NHSL2: variants seen among roughly 807,000 people sequenced by gnomAD.
NHSL2 encodes the protein NHS like 2.
Under a neutral mutation model 53.4 loss-of-function variants are expected in NHSL2, and 27 were observed. The ratio of observed to expected loss-of-function variants is 0.51; its 90% CI spans 0.37 to 0.70. NHSL2 has a LOEUF of 0.70. Ranked by LOEUF, NHSL2 falls within the 30% of genes least tolerant of loss-of-function variation. NHSL2 has a pLI of 0.00. For missense variants in NHSL2, 892 were observed against 980.1 expected, an observed-to-expected ratio of 0.91 and a Z score of 1.20; for synonymous variants, 408 against 404.1, an observed-to-expected ratio of 1.01 and a Z score of -0.12.
In NHSL2 at chrX:72,152,355, GCGCA is replaced by G. The variant is rs1259326041; in HGVS notation, c.*8783_*8786del. The G allele has an allele frequency of 2.1e-3, 3 of 1,430 alleles. No homozygotes were observed. Among genetic ancestry groups the G allele is most frequent in the African/African-American group, 2.4e-3 (3 of 1,248 alleles). 0.1% of individuals were successfully genotyped at this position (1,430 alleles called of 1,213,427 possible). A position where few individuals can be genotyped will look rare whatever the true frequency, so the allele number is the denominator to read the frequency against. On this transcript the variant is annotated 3_prime_UTR_variant, in exon 8 of 8. Coordinates refer to ENST00000633930, the MANE Select transcript of NHSL2 (RefSeq NM_001013627.3). ...CATACATGCGTGTGTGCATGCGCGC[GCGCA>G]CACACACACACACACACACACACAC... is the stretch of plus-strand genomic sequence containing the variant.
intron 1 of NHSL2, among the ~76,000 whole-genome samples, chrX:72,088,805 A>C (rs952861314): frequency 1.8e-5 from 2 of 112,285 alleles, no homozygotes; most frequent in Non-Finnish European, 3.8e-5. Context: ...GTACCACCTC[A>C]AATCGCTTTC....
intron 1 of NHSL2, among the ~76,000 whole-genome samples, chrX:71,990,126 G>A (rs1011448971): frequency 4.5e-5 from 5 of 111,558 alleles, no homozygotes; most frequent in African/African-American, 1.3e-4. Context: ...AAAAGAGTTC[G>A]GGGGCGGAGA....
intron 1 of NHSL2, among the ~76,000 whole-genome samples, chrX:71,996,476 C>T (rs183506256): frequency 1.4e-3 from 159 of 112,591 alleles, no homozygotes; most frequent in Middle Eastern, 4.6e-3. Context: ...TTCTATCACA[C>T]CTGCCACACA....
At chrX:71,926,540 G>C (rs993514186) in intron 1 of NHSL2, among the ~76,000 whole-genome samples, 1 of 110,287 alleles carries the variant, frequency 9.1e-6, no homozygotes, top group Non-Finnish European at 1.9e-5. Flanking sequence ...CTGCTCTCGG[G>C]GGTTTTAGTG....
At chrX:71,932,798 A>G (rs1303962224) in intron 1 of NHSL2, among the ~76,000 whole-genome samples, 1 of 112,641 alleles carries the variant, frequency 8.9e-6, no homozygotes, top group Non-Finnish European at 1.9e-5. Flanking sequence ...TCCCTATGAG[A>G]AAGGTGTAAG....
intron 1 of NHSL2, among the ~76,000 whole-genome samples, chrX:72,011,624 C>G (rs1171926605): frequency 9.0e-6 from 1 of 110,921 alleles, no homozygotes; most frequent in Admixed American, 9.5e-5. Flanking sequence ...GAGCTGAGAT[C>G]TTGCCACTGC....
chrX:71,949,064 GT>G (rs1381365768), intron 1 of NHSL2, among the ~76,000 whole-genome samples: 1 of 110,175 alleles, frequency 9.1e-6, no homozygotes, highest in Non-Finnish European at 1.9e-5. Flanking sequence ...GGCCGATGTA[GT>G]TTTTATGAAG....
intron 1 of NHSL2, among the ~76,000 whole-genome samples, chrX:72,004,729 G>A (rs2042086442): frequency 9.3e-6 from 1 of 107,305 alleles, no homozygotes; most frequent in African/African-American, 3.4e-5. Context: ...GTCCGCTCCG[G>A]CCCAGGAGAG....
intron 1 of NHSL2, among the ~76,000 whole-genome samples, chrX:71,971,333 A>G (rs2041924065): frequency 8.9e-6 from 1 of 111,941 alleles, no homozygotes; most frequent in Non-Finnish European, 1.9e-5. Flanking sequence ...TATTATATGT[A>G]TTATGTCCAT....
At chrX:72,077,342 G>T (rs1466919949) in intron 1 of NHSL2, among the ~76,000 whole-genome samples, 1 of 110,698 alleles carries the variant, frequency 9.0e-6, no homozygotes, top group African/African-American at 3.3e-5. Context: ...TTCCTGGCTG[G>T]CTTGGGGGAT....
At chrX:72,131,159 G>A (rs1192315321) in intron 1 of NHSL2, 1 of 1,174,625 alleles carries the variant, frequency 8.5e-7, no homozygotes, top group African/African-American at 1.8e-5. Context: ...AGCGCCGGCG[G>A]GGGCGGGATG....
chrX:72,023,438 A>G (rs2042169800), intron 1 of NHSL2, among the ~76,000 whole-genome samples: 1 of 112,827 alleles, frequency 8.9e-6, no homozygotes, highest in African/African-American at 3.2e-5. Context: ...AGTGGCAATT[A>G]TGGTCCTGAT....
At chrX:71,931,900 G>C (rs2041715085) in intron 1 of NHSL2, among the ~76,000 whole-genome samples, 1 of 112,341 alleles carries the variant, frequency 8.9e-6, no homozygotes, top group Admixed American at 9.4e-5. Flanking sequence ...TGATTTGTAG[G>C]ATCAGTTTCT....
intron 1 of NHSL2, among the ~76,000 whole-genome samples, chrX:72,059,300 G>A (rs1369704707): frequency 3.6e-5 from 4 of 110,522 alleles, no homozygotes; most frequent in Non-Finnish European, 5.7e-5. Context: ...CTGGTGTCCC[G>A]GCCCCTCTCC....
At chrX:72,052,388 A>G (rs866562723) in intron 1 of NHSL2, among the ~76,000 whole-genome samples, 1 of 112,734 alleles carries the variant, frequency 8.9e-6, no homozygotes, top group Admixed American at 9.3e-5. Flanking sequence ...GGGCATTAAA[A>G]GTCTTGGACA....
chrX:72,055,559 T>C (rs1332636165), intron 1 of NHSL2, among the ~76,000 whole-genome samples: 3 of 112,139 alleles, frequency 2.7e-5, no homozygotes, highest in African/African-American at 9.7e-5. Context: ...TTAAGGTGGC[T>C]TATAAGATAC....
intron 1 of NHSL2, among the ~76,000 whole-genome samples, chrX:72,096,643 A>T (rs6653183): frequency 0.42 from 46,473 of 111,537 alleles, 9,851 homozygotes; most frequent in African/African-American, 0.82. Context: ...TTGTACATAT[A>T]CATGGGGTAT....
chrX:72,045,234 G>A (rs902561246), intron 1 of NHSL2, among the ~76,000 whole-genome samples: 7 of 112,486 alleles, frequency 6.2e-5, no homozygotes, highest in African/African-American at 2.3e-4. Context: ...ACAGATGACT[G>A]TACTTGGGGA....
At chrX:71,960,137 T>C (rs776507768) in intron 1 of NHSL2, among the ~76,000 whole-genome samples, 8 of 112,792 alleles carry the variant, frequency 7.1e-5, no homozygotes, top group Non-Finnish European at 1.3e-4. Flanking sequence ...TCTTTTGATG[T>C]GTTAGTTGGC....
Sources: gnomAD v4.1 joint callset for allele counts (sites outside exome capture counted in the v4.1 genomes callset) on GRCh38, gnomAD v4.1.1 for gene constraint, MANE v1.5 for transcripts, NCBI Gene and HGNC (gene_info 2026-07-23, HGNC 2026-07-21) for gene names.